The following DLGAP2 variants were observed in gnomAD, a reference collection of about 807,000 sequenced individuals.
The protein encoded by DLGAP2 is disks large-associated protein 2.
DLGAP2 carries 26 observed loss-of-function variants against 100.3 expected under a neutral mutation model. The ratio of observed to expected loss-of-function variants is 0.26; its 90% CI spans 0.19 to 0.36. DLGAP2 has a LOEUF of 0.36. Ranked by LOEUF, DLGAP2 falls within the 10% of genes least tolerant of loss-of-function variation. The pLI, the probability that DLGAP2 is intolerant of heterozygous loss-of-function variation, is 1.00. For synonymous variants in DLGAP2, 886 were observed against 630.1 expected (o/e 1.41, Z -6.08); for missense variants, 1,858 against 1,453.2 (o/e 1.28, Z -4.53).
intron 2 of DLGAP2, among the ~76,000 whole-genome samples, chr8:1,151,909 C>T (rs550008488): frequency 2.0e-5 from 3 of 152,302 alleles, no homozygotes; most frequent in Non-Finnish European, 2.9e-5. Context: ...AACAGCGAAG[C>T]GTCCTGATAT....
At chr8:1,426,045 C>A (rs879260606) in intron 3 of DLGAP2, among the ~76,000 whole-genome samples, 1 of 152,166 alleles carries the variant, frequency 6.6e-6, no homozygotes, top group Non-Finnish European at 1.5e-5. Flanking sequence ...GAGAATGAGA[C>A]CAAACTCTGA....
intron 3 of DLGAP2, among the ~76,000 whole-genome samples, chr8:1,373,951 A>C (rs1802319594): frequency 6.6e-6 from 1 of 152,196 alleles, no homozygotes; most frequent in African/African-American, 2.4e-5. Flanking sequence ...CCAATTGAAT[A>C]GTCGGTAATT....
chr8:1,258,834 T>C lies in DLGAP2; in HGVS notation c.74-17T>C, dbSNP rs1354260852. 8.1e-7 allele frequency: 1 copy of C among 1,231,738 alleles called. No individual in the cohort carries two copies. Among genetic ancestry groups the C allele is most frequent in the Non-Finnish European group, 1.0e-6 (1 of 987,978 alleles). 76.3% of individuals were successfully genotyped at this position (1,231,738 alleles called of 1,614,324 possible). ...GACCCTGTGGGTGTAACAGCTTCTC[T>C]CTGTCTCTGTTTTCAGAGTCGCAGT... On this transcript the variant is annotated splice_polypyrimidine_tract_variant and intron_variant, in intron 2 of 14. Coordinates refer to ENST00000637795, the MANE Select transcript of DLGAP2 (RefSeq NM_001346810.2).
intron 2 of DLGAP2, among the ~76,000 whole-genome samples, chr8:1,024,453 G>A (rs11137124): frequency 0.017 from 1,353 of 78,036 alleles, 45 homozygotes; most frequent in Admixed American, 0.026. Flanking sequence ...CCCTCCCTGG[G>A]GGTGGACAGT....
chr8:1,563,520 G>A (rs1289017146), intron 5 of DLGAP2, among the ~76,000 whole-genome samples: 1 of 141,376 alleles, frequency 7.1e-6, no homozygotes, highest in African/African-American at 2.7e-5. Flanking sequence ...TCCGTGCCTC[G>A]TTACTGCGGG....
chr8:1,366,889 C>G (rs1417517874), intron 3 of DLGAP2, among the ~76,000 whole-genome samples: 1 of 152,066 alleles, frequency 6.6e-6, no homozygotes, highest in Non-Finnish European at 1.5e-5. Flanking sequence ...ACATGGCAAC[C>G]CCTCCAACAC....
At chr8:821,686 C>T (rs528796792) in intron 1 of DLGAP2, among the ~76,000 whole-genome samples, 1 of 152,276 alleles carries the variant, frequency 6.6e-6, no homozygotes, top group Non-Finnish European at 1.5e-5. Flanking sequence ...CAGAACTGGA[C>T]TAATTTCACA....
At chr8:1,381,044 T>G (rs1490480991) in intron 3 of DLGAP2, 1 of 151,406 alleles carries the variant, frequency 6.6e-6, no homozygotes, top group Non-Finnish European at 1.5e-5. Flanking sequence ...ATATAAGGAG[T>G]TCCTTTCTAA....
At chr8:1,211,673 C>T (rs538160761) in intron 2 of DLGAP2, among the ~76,000 whole-genome samples, 9 of 152,202 alleles carry the variant, frequency 5.9e-5, no homozygotes, top group Admixed American at 1.3e-4. Context: ...GTCGGGAGTT[C>T]GAGACCAGCC....
At chr8:1,306,699 A>G (rs1349270527) in intron 3 of DLGAP2, among the ~76,000 whole-genome samples, 1 of 152,214 alleles carries the variant, frequency 6.6e-6, no homozygotes, top group Non-Finnish European at 1.5e-5. Flanking sequence ...AATCACAGAC[A>G]TCTAGACTAA....
intron 3 of DLGAP2, chr8:1,380,167 A>T (rs940762323): frequency 6.6e-6 from 1 of 152,180 alleles, no homozygotes; most frequent in South Asian, 2.1e-4. Flanking sequence ...AAATGAACAT[A>T]CATAGGAATC....
At chr8:1,490,398 G>A (rs952061192) in intron 3 of DLGAP2, among the ~76,000 whole-genome samples, 3 of 152,252 alleles carry the variant, frequency 2.0e-5, no homozygotes, top group East Asian at 1.9e-4. Context: ...CAGACAATAC[G>A]TCAGCTAAAG....
intron 1 of DLGAP2, chr8:883,434 G>T (rs1479011224): frequency 6.6e-6 from 1 of 151,820 alleles, no homozygotes; most frequent in Non-Finnish European, 1.5e-5. Flanking sequence ...TTAGAATAAT[G>T]ATCCTTTTTA....
At chr8:817,962 G>T (rs560822586) in intron 1 of DLGAP2, among the ~76,000 whole-genome samples, 1 of 152,156 alleles carries the variant, frequency 6.6e-6, no homozygotes, top group Non-Finnish European at 1.5e-5. Flanking sequence ...TTTCAAGAGT[G>T]CATCAGCTGT....
At chr8:1,064,972 G>T (rs1193951737) in intron 2 of DLGAP2, among the ~76,000 whole-genome samples, 1 of 152,172 alleles carries the variant, frequency 6.6e-6, no homozygotes, top group Non-Finnish European at 1.5e-5. Context: ...GGTTTGAAAG[G>T]CATGCTGTGC....
chr8:1,615,166 A>G (rs1309916000), intron 6 of DLGAP2, among the ~76,000 whole-genome samples: 1 of 152,204 alleles, frequency 6.6e-6, no homozygotes, highest in Admixed American at 6.5e-5. Context: ...CGGACCCCTG[A>G]AAAAGTTTAG....
intron 3 of DLGAP2, among the ~76,000 whole-genome samples, chr8:1,294,779 G>C (rs1800132603): frequency 6.6e-6 from 1 of 152,016 alleles, no homozygotes; most frequent in African/African-American, 2.4e-5. Context: ...TGAGACAGTA[G>C]GATTGCTTGA....
chr8:1,075,805 G>T (rs896663092), intron 2 of DLGAP2, among the ~76,000 whole-genome samples: 1 of 152,006 alleles, frequency 6.6e-6, no homozygotes, highest in African/African-American at 2.4e-5. Flanking sequence ...CCCAACTCAG[G>T]CCTGTAATCC....
chr8:1,368,259 CGT>C (rs1392025274), intron 3 of DLGAP2, among the ~76,000 whole-genome samples: 1 of 150,960 alleles, frequency 6.6e-6, no homozygotes, highest in Non-Finnish European at 1.5e-5. Flanking sequence ...CATGTGTGTG[CGT>C]GTGTGCAGGT....
Sources: allele counts gnomAD v4.1 joint callset (sites outside exome capture counted in the v4.1 genomes callset), GRCh38; gene constraint gnomAD v4.1.1; transcripts MANE v1.5; gene names NCBI Gene and HGNC (gene_info 2026-07-23, HGNC 2026-07-21).